Variants in MYO3B observed in about 807,000 individuals in gnomAD.
MYO3B encodes the protein myosin-IIIb.
In MYO3B, 156 loss-of-function variants were observed where a neutral mutation model predicts 174.6. That is an observed-to-expected ratio of 0.89 (90% CI 0.78 to 1.02). The LOEUF is 1.02. MYO3B is among the 50% of genes least tolerant of loss of function. The probability of loss-of-function intolerance (pLI) is 0.00; values close to 1 mark genes in which losing one functional copy is unlikely to be tolerated. For missense variants in MYO3B, 1,632 were observed against 1,639.4 expected, an observed-to-expected ratio of 1.00 and a Z score of 0.08; for synonymous variants, 563 against 569.1, an observed-to-expected ratio of 0.99 and a Z score of 0.15.
At chr2:170,609,360 A>G (rs192388396) in intron 32 of MYO3B, among the ~76,000 whole-genome samples, 13 of 152,310 alleles carry the variant, frequency 8.5e-5, no homozygotes, top group Admixed American at 8.5e-4. Flanking sequence ...AGGAATCGCC[A>G]TACATTTTTA....
At chr2:170,482,588 C>T (rs1293646768) in intron 25 of MYO3B, among the ~76,000 whole-genome samples, 1 of 152,198 alleles carries the variant, frequency 6.6e-6, no homozygotes, top group African/African-American at 2.4e-5. Context: ...TGTAAATTGC[C>T]CAGTCTCAGG....
chr2:170,544,015 C>A (rs777649788), intron 32 of MYO3B, 27 bp downstream of exon 32: 3 of 1,501,634 alleles, frequency 2.0e-6, no homozygotes, highest in Admixed American at 3.4e-5. Flanking sequence ...GAATTGCATG[C>A]GGCTTCTACC....
chr2:170,311,441 G>A (rs10209277), intron 7 of MYO3B, among the ~76,000 whole-genome samples: 104,931 of 151,100 alleles, frequency 0.69, 39,355 homozygotes, highest in East Asian at 0.92. Context: ...ATGTTTTTTG[G>A]CCACTTAAAA....
intron 9 of MYO3B, among the ~76,000 whole-genome samples, chr2:170,370,328 A>G (rs759826172): frequency 1.3e-5 from 2 of 152,208 alleles, no homozygotes; most frequent in African/African-American, 2.4e-5. Flanking sequence ...AAACATTGGC[A>G]TCCAAACTCT....
At chr2:170,322,320 C>T (rs1460649715) in intron 7 of MYO3B, among the ~76,000 whole-genome samples, 1 of 152,170 alleles carries the variant, frequency 6.6e-6, no homozygotes, top group Non-Finnish European at 1.5e-5. Context: ...GAAAAAATGT[C>T]CAAAGCCCTT....
chr2:170,382,409 T>C (rs1051446686), intron 10 of MYO3B: 3 of 223,726 alleles, frequency 1.3e-5, no homozygotes, highest in African/African-American at 6.8e-5. Context: ...TTGATAAAAT[T>C]TGATAAAATA....
At chr2:170,608,920 A>G (rs1201079451) in intron 32 of MYO3B, among the ~76,000 whole-genome samples, 2 of 152,232 alleles carry the variant, frequency 1.3e-5, no homozygotes, top group Non-Finnish European at 2.9e-5. Context: ...CAATCGATAT[A>G]TTAGCGCTTG....
chr2:170,475,647 T>A (rs1685268720), intron 25 of MYO3B, among the ~76,000 whole-genome samples: 1 of 152,216 alleles, frequency 6.6e-6, no homozygotes, highest in Non-Finnish European at 1.5e-5. Flanking sequence ...CCTTGCTAAC[T>A]CTAGTCTCTG....
intron 15 of MYO3B, 44 bp downstream of exon 15, chr2:170,391,662 G>A (rs751592996): frequency 1.9e-5 from 22 of 1,128,286 alleles, no homozygotes; most frequent in South Asian, 2.8e-5. Flanking sequence ...ATGAATGTAC[G>A]ATTAGCAGTT....
At chr2:170,235,252 G>A (rs987220375) in intron 6 of MYO3B, among the ~76,000 whole-genome samples, 1 of 152,096 alleles carries the variant, frequency 6.6e-6, no homozygotes, top group Non-Finnish European at 1.5e-5. Context: ...TTCTCCTATC[G>A]CCATTGTGAT....
At chr2:170,299,077 T>C (rs934787712) in intron 7 of MYO3B, among the ~76,000 whole-genome samples, 3 of 152,198 alleles carry the variant, frequency 2.0e-5, no homozygotes, top group African/African-American at 7.2e-5. Context: ...CATGCATTTC[T>C]CAGAATGTAT....
intron 9 of MYO3B, among the ~76,000 whole-genome samples, chr2:170,380,361 A>G (rs2094326383): frequency 6.8e-6 from 1 of 146,908 alleles, no homozygotes; most frequent in African/African-American, 2.4e-5. Context: ...ACTTTATTGC[A>G]TTTTTATATC....
chr2:170,509,332 G>A (rs763159728), intron 28 of MYO3B, among the ~76,000 whole-genome samples: 9 of 152,118 alleles, frequency 5.9e-5, no homozygotes, highest in Non-Finnish European at 1.3e-4. Flanking sequence ...ACTCCAATCT[G>A]GGTGACACGG....
intron 9 of MYO3B, among the ~76,000 whole-genome samples, chr2:170,372,135 A>AAAAAAC (rs2094252456): frequency 6.7e-6 from 1 of 148,400 alleles, no homozygotes; most frequent in African/African-American, 2.5e-5. Flanking sequence ...AAAAAAAAAA[A>AAAAAAC]AAAAAAAAAA....
chr2:170,630,171 G>C (rs983530435), intron 32 of MYO3B, among the ~76,000 whole-genome samples: 6 of 152,216 alleles, frequency 3.9e-5, no homozygotes, highest in African/African-American at 1.2e-4. Context: ...AACCGTGACA[G>C]ACTGTACCAG....
In MYO3B at chr2:170,561,743, A is replaced by G. The variant is rs79187152; in HGVS notation, c.3733+17755A>G. On this transcript the variant is annotated intron_variant, in intron 32 of 34. Coordinates refer to ENST00000408978, the MANE Select transcript of MYO3B (RefSeq NM_138995.5). Reference sequence around the variant, plus strand: ...TTGTAGATTGCTCTTTTTTGGTTAGATGTCTCTTTGGGGGATATGTCTCTA... The same window carrying G: ...TTGTAGATTGCTCTTTTTTGGTTAGGTGTCTCTTTGGGGGATATGTCTCTA... Among the ~76,000 whole-genome samples the G allele has an allele frequency of 5.0e-3, 767 of 152,256 alleles. 4 individuals carry two copies. Among genetic ancestry groups the G allele is most frequent in the African/African-American group, 0.018 (728 of 41,554 alleles).
intron 32 of MYO3B, among the ~76,000 whole-genome samples, chr2:170,610,130 A>T (rs1034313080): frequency 6.6e-6 from 1 of 152,146 alleles, no homozygotes; most frequent in Non-Finnish European, 1.5e-5. Context: ...AGGTCAGGAG[A>T]TCAAGACCAT....
Position 170,580,718 on chromosome 2 carries a change from A to ATATATATATGTGTGTGTG in MYO3B, c.3733+36731_3733+36732insATATATATGTGTGTGTGT, listed in dbSNP as rs768974458. Among the ~76,000 whole-genome samples, 19 of 142,774 alleles carry ATATATATATGTGTGTGTG rather than the reference A, an allele frequency of 1.3e-4. 1 individual carries two copies. Among genetic ancestry groups the ATATATATATGTGTGTGTG allele is most frequent in the South Asian group, 9.0e-4 (4 of 4,432 alleles). The allele number at this position is 142,774 out of a possible 152,430, so 93.7% of individuals were successfully genotyped here. On this transcript the variant is annotated intron_variant, in intron 32 of 34. Coordinates refer to ENST00000408978, the MANE Select transcript of MYO3B (RefSeq NM_138995.5). ...CTTCAGGTCCCACAAAACCTTATAT[A>ATATATATATGTGTGTGTG]TGTGTGTGTGTGTGTGTGTGTGTGT...
intron 9 of MYO3B, among the ~76,000 whole-genome samples, chr2:170,377,481 G>A (rs1300404521): frequency 6.6e-6 from 1 of 152,054 alleles, no homozygotes; most frequent in Non-Finnish European, 1.5e-5. Flanking sequence ...TCATTTCCTT[G>A]GACTTGATGG....
Sources: allele counts gnomAD v4.1 joint callset (sites outside exome capture counted in the v4.1 genomes callset), GRCh38; gene constraint gnomAD v4.1.1; transcripts MANE v1.5; gene names NCBI Gene and HGNC (gene_info 2026-07-23, HGNC 2026-07-21).